CCDC126: variants seen among roughly 807,000 people sequenced by gnomAD.
CCDC126 encodes the protein coiled-coil domain-containing protein 126.
In CCDC126, 5 loss-of-function variants were observed where a neutral mutation model predicts 11.7. The ratio of observed to expected loss-of-function variants is 0.43; its 90% CI spans 0.22 to 0.90. The LOEUF (loss-of-function observed/expected upper bound fraction) is 0.90. Among genes scored for constraint, CCDC126 ranks in the 40% least tolerant of loss-of-function variants. The pLI, the probability that CCDC126 is intolerant of heterozygous loss-of-function variation, is 0.27. For synonymous variants in CCDC126, 60 were observed against 61.9 expected (o/e 0.97, Z 0.14); for missense variants, 150 against 163.1 (o/e 0.92, Z 0.44).
At chr7:23,622,962 C>T (rs1025152408) in intron 3 of CCDC126, 8 of 169,368 alleles carry the variant, frequency 4.7e-5, no homozygotes, top group African/African-American at 1.5e-4. Flanking sequence ...GTTAAATATG[C>T]TCACTCTTTT....
intron 3 of CCDC126, chr7:23,622,462 C>G (rs1782930035): frequency 2.5e-6 from 1 of 407,558 alleles, no homozygotes; most frequent in Non-Finnish European, 4.9e-6. Flanking sequence ...CTATTTGACT[C>G]TTCTCTGATA....
intron 3 of CCDC126, among the ~76,000 whole-genome samples, chr7:23,635,115 T>C (rs1783186695): frequency 6.6e-6 from 1 of 152,242 alleles, no homozygotes; most frequent in African/African-American, 2.4e-5. Context: ...GAAGTTAAAG[T>C]AGAAACAGAG....
intron 3 of CCDC126, among the ~76,000 whole-genome samples, chr7:23,632,818 T>G (rs975261367): frequency 2.6e-5 from 4 of 152,224 alleles, no homozygotes; most frequent in African/African-American, 9.7e-5. Flanking sequence ...CTATTAGATA[T>G]GATTTTGATG....
chr7:23,601,159 A>G (rs139669029), intron 2 of CCDC126, among the ~76,000 whole-genome samples: 6,050 of 152,254 alleles, frequency 0.04, 183 homozygotes, highest in Non-Finnish European at 0.059. Flanking sequence ...TGAGGCAGGA[A>G]GATCGCCTGA....
chr7:23,601,749 T>C (rs1223633602), intron 2 of CCDC126: 1 of 152,214 alleles, frequency 6.6e-6, no homozygotes, highest in East Asian at 1.9e-4. Flanking sequence ...CTGTCACCCA[T>C]AGCTCATTGA....
intron 3 of CCDC126, among the ~76,000 whole-genome samples, chr7:23,628,846 A>G (rs1783057449): frequency 6.6e-6 from 1 of 152,182 alleles, no homozygotes; most frequent in Non-Finnish European, 1.5e-5. Context: ...CCACACTGTC[A>G]GTGGAGAGTA....
chr7:23,638,304 T>G, intron 3 of CCDC126, among the ~76,000 whole-genome samples: 1 of 147,058 alleles, frequency 6.8e-6, no homozygotes, highest in East Asian at 2.0e-4. Context: ...AATTGAGAAA[T>G]CGGATGGTTG....
intron 3 of CCDC126, among the ~76,000 whole-genome samples, chr7:23,629,201 G>C (rs1783063556): frequency 6.6e-6 from 1 of 152,216 alleles, no homozygotes; most frequent in South Asian, 2.1e-4. Context: ...GGTAGTATTA[G>C]AAGGTGGCGT....
intron 3 of CCDC126, among the ~76,000 whole-genome samples, chr7:23,625,411 C>A (rs1782997749): frequency 1.3e-5 from 2 of 152,132 alleles, no homozygotes; most frequent in African/African-American, 4.8e-5. Flanking sequence ...TACATTCTTA[C>A]TATACCACTT....
chr7:23,618,674 C>T (rs1458143200), intron 3 of CCDC126, among the ~76,000 whole-genome samples: 3 of 151,710 alleles, frequency 2.0e-5, no homozygotes, highest in Non-Finnish European at 2.9e-5. Context: ...CCTCAGCCTC[C>T]CGAGAACCTG....
chr7:23,603,538 A>G (rs1782574834), intron 2 of CCDC126, among the ~76,000 whole-genome samples: 1 of 152,208 alleles, frequency 6.6e-6, no homozygotes. Flanking sequence ...TGTATTCTGG[A>G]CCAGTAGGAT....
At chr7:23,609,868 T>A (rs1562830093) in intron 2 of CCDC126, among the ~76,000 whole-genome samples, 1 of 152,084 alleles carries the variant, frequency 6.6e-6, no homozygotes, top group East Asian at 1.9e-4. Context: ...TCTTAAAAAA[T>A]AAATAAATAA....
At chr7:23,630,501 A>G (rs939210330) in intron 3 of CCDC126, among the ~76,000 whole-genome samples, 3 of 149,474 alleles carry the variant, frequency 2.0e-5, no homozygotes, top group African/African-American at 7.4e-5. Context: ...GTTTCAGTCA[A>G]TCAATCAATC....
At chr7:23,606,307 C>T (rs555167311) in intron 2 of CCDC126, among the ~76,000 whole-genome samples, 2 of 152,290 alleles carry the variant, frequency 1.3e-5, no homozygotes, top group East Asian at 3.9e-4. Context: ...ATCTGCCTGC[C>T]TTGGCCTCCC....
At chr7:23,609,073 A>C (rs900449073) in intron 2 of CCDC126, among the ~76,000 whole-genome samples, 20 of 152,250 alleles carry the variant, frequency 1.3e-4, no homozygotes, top group Non-Finnish European at 1.2e-4. Context: ...GGTTTGCAGA[A>C]TATCTCAAGC....
intron 3 of CCDC126, among the ~76,000 whole-genome samples, chr7:23,612,202 A>AT (rs1409930195): frequency 8.6e-5 from 13 of 151,808 alleles, no homozygotes; most frequent in Non-Finnish European, 1.5e-4. Context: ...CACATCTGTA[A>AT]TCTTAGTACT....
chr7:23,600,283 T>C (rs1270787654), intron 2 of CCDC126, among the ~76,000 whole-genome samples: 1 of 152,112 alleles, frequency 6.6e-6, no homozygotes, highest in South Asian at 2.1e-4. Flanking sequence ...TATTTCCGTA[T>C]CTTAGCTGGA....
chr7:23,614,514 C>T (rs945910204), intron 3 of CCDC126, among the ~76,000 whole-genome samples: 2 of 152,198 alleles, frequency 1.3e-5, no homozygotes, highest in Non-Finnish European at 2.9e-5. Flanking sequence ...GACATTTTTA[C>T]CTCCTTTCAT....
At chr7:23,606,001 T>A (rs1156886672) in intron 2 of CCDC126, among the ~76,000 whole-genome samples, 3 of 152,064 alleles carry the variant, frequency 2.0e-5, no homozygotes, top group Non-Finnish European at 4.4e-5. Context: ...TGTGTGTGTG[T>A]GTGTGTGATA....
Sources: allele counts gnomAD v4.1 joint callset (sites outside exome capture counted in the v4.1 genomes callset), GRCh38; gene constraint gnomAD v4.1.1; transcripts MANE v1.5; gene names NCBI Gene and HGNC (gene_info 2026-07-23, HGNC 2026-07-21).